The following PTPRD variants were observed in gnomAD, a reference collection of about 807,000 sequenced individuals.
PTPRD encodes the protein protein tyrosine phosphatase receptor type D, also known as receptor-type tyrosine-protein phosphatase delta.
PTPRD carries 34 observed loss-of-function variants against 214.5 expected under a neutral mutation model. That is an observed-to-expected ratio of 0.16 (90% CI 0.12 to 0.21). The LOEUF (loss-of-function observed/expected upper bound fraction) is 0.21. Among genes scored for constraint, PTPRD ranks in the 10% least tolerant of loss-of-function variants. The pLI is 1.00. For missense variants in PTPRD, 2,545 were observed against 2,398.7 expected, an observed-to-expected ratio of 1.06 and a Z score of -1.27; for synonymous variants, 1,128 against 845.7, an observed-to-expected ratio of 1.33 and a Z score of -5.79.
chr9:8,986,155 A>G (rs2099344185), intron 11 of PTPRD, among the ~76,000 whole-genome samples: 1 of 152,108 alleles, frequency 6.6e-6, no homozygotes, highest in South Asian at 2.1e-4. Context: ...TAGATTTTAT[A>G]GCATGAGTTG....
chr9:8,772,322 G>C (rs1378250531), intron 11 of PTPRD, among the ~76,000 whole-genome samples: 1 of 151,952 alleles, frequency 6.6e-6, no homozygotes, highest in Non-Finnish European at 1.5e-5. Flanking sequence ...TATCTCAAGA[G>C]CTCCAATCTG....
intron 9 of PTPRD, among the ~76,000 whole-genome samples, chr9:9,380,540 A>C (rs917707148): frequency 6.6e-6 from 1 of 152,104 alleles, no homozygotes; most frequent in Non-Finnish European, 1.5e-5. Flanking sequence ...TTGTGATATG[A>C]AAGCAGACAT....
rs530871755 is a variant in PTPRD at position 9,748,190 on chromosome 9, GT to G, written c.-325-13620del. 1.8e-4 allele frequency among the ~76,000 whole-genome samples: 28 copies of G among 152,284 alleles called. No individual in the cohort carries two copies. The South Asian group carries it at 5.4e-3, about 29-fold the overall frequency. ...TCTGAACTTGGTGCATATAAAGATA[GT>G]ATGGTAATAATCTTCTATGTCTTAT... On this transcript the variant is annotated intron_variant, in intron 6 of 45. Coordinates refer to ENST00000381196, the MANE Select transcript of PTPRD (RefSeq NM_002839.4).
intron 5 of PTPRD, among the ~76,000 whole-genome samples, chr9:9,801,223 G>C (rs762021471): frequency 2.0e-5 from 3 of 151,966 alleles, no homozygotes; most frequent in South Asian, 2.1e-4. Context: ...TACATTCATA[G>C]AAAGGAAAAT....
At chr9:10,568,603 T>C (rs1025697919) in intron 2 of PTPRD, among the ~76,000 whole-genome samples, 2 of 152,122 alleles carry the variant, frequency 1.3e-5, no homozygotes, top group African/African-American at 2.4e-5. Context: ...AGTGTTCCTA[T>C]TTCTAATAAT....
intron 8 of PTPRD, among the ~76,000 whole-genome samples, chr9:9,482,004 C>G (rs965104163): frequency 6.6e-6 from 1 of 151,980 alleles, no homozygotes; most frequent in African/African-American, 2.4e-5. Context: ...AGAACTCTCC[C>G]AGTCAACATG....
At chr9:9,132,245 G>C (rs958156713) in intron 10 of PTPRD, among the ~76,000 whole-genome samples, 1 of 152,134 alleles carries the variant, frequency 6.6e-6, no homozygotes, top group African/African-American at 2.4e-5. Context: ...TCCTGACCTT[G>C]TGATCCGCCC....
intron 14 of PTPRD, among the ~76,000 whole-genome samples, chr9:8,573,065 T>C (rs191362689): frequency 1.3e-5 from 2 of 152,118 alleles, no homozygotes; most frequent in East Asian, 1.9e-4. Flanking sequence ...TTCTATCAAA[T>C]TGAATCCTCA....
At chr9:9,981,077 A>G (rs891488326) in intron 4 of PTPRD, among the ~76,000 whole-genome samples, 1 of 151,940 alleles carries the variant, frequency 6.6e-6, no homozygotes, top group Non-Finnish European at 1.5e-5. Flanking sequence ...TGATGAATGC[A>G]CCTCCACAAA....
intron 14 of PTPRD, among the ~76,000 whole-genome samples, chr9:8,592,660 T>G (rs778315703): frequency 3.0e-4 from 45 of 152,134 alleles, no homozygotes; most frequent in Non-Finnish European, 5.3e-4. Flanking sequence ...ATGACAAAGG[T>G]TGAATATCGT....
Position 8,315,115 on chromosome 9 carries a change from G to T in PTPRD, c.*2759C>A, listed in dbSNP as rs77595418. The T allele has an allele frequency of 6.5e-5, 15 of 232,356 alleles. No homozygotes were observed. Among genetic ancestry groups the T allele is most frequent in the Admixed American group, 1.1e-4 (2 of 17,722 alleles). The allele number at this position is 232,356 out of a possible 1,614,324, so 14.4% of individuals were successfully genotyped here. On this transcript the variant is annotated 3_prime_UTR_variant, in exon 46 of 46. Coordinates refer to ENST00000381196, the MANE Select transcript of PTPRD (RefSeq NM_002839.4). Reference sequence around the variant, plus strand: ...GGAAACTTGAAAGCTTGTGGTAATGGCAGATAAAGATGGTTCACCTGGGAA... The same window carrying T: ...GGAAACTTGAAAGCTTGTGGTAATGTCAGATAAAGATGGTTCACCTGGGAA...
chr9:8,667,729 T>C (rs1400735261), intron 12 of PTPRD, among the ~76,000 whole-genome samples: 2 of 152,068 alleles, frequency 1.3e-5, no homozygotes, highest in East Asian at 1.9e-4. Flanking sequence ...CCCCAAGATA[T>C]CTCATTATGT....
At chr9:8,590,592 C>A (rs1032388369) in intron 14 of PTPRD, among the ~76,000 whole-genome samples, 1 of 152,142 alleles carries the variant, frequency 6.6e-6, no homozygotes, top group Non-Finnish European at 1.5e-5. Context: ...CAAAAAGACA[C>A]TGTGTTCACT....
At chr9:8,979,563 A>G (rs2154339246) in intron 11 of PTPRD, among the ~76,000 whole-genome samples, 1 of 152,282 alleles carries the variant, frequency 6.6e-6, no homozygotes, top group South Asian at 2.1e-4. Context: ...GACTCCACTT[A>G]AAAATGGGCA....
chr9:10,334,716 G>C (rs900257881), intron 3 of PTPRD, among the ~76,000 whole-genome samples: 2 of 151,462 alleles, frequency 1.3e-5, no homozygotes, highest in African/African-American at 4.8e-5. Context: ...TTATAGCAAG[G>C]ATTCAGCACA....
At chr9:10,339,959 GA>G (rs1403339806) in intron 3 of PTPRD, among the ~76,000 whole-genome samples, 79 of 151,726 alleles carry the variant, frequency 5.2e-4, no homozygotes, top group Middle Eastern at 3.4e-3. Context: ...TATATTCTTT[GA>G]TTTAGCATAT....
chr9:8,891,355 A>G (rs2098538438), intron 11 of PTPRD, among the ~76,000 whole-genome samples: 1 of 151,540 alleles, frequency 6.6e-6, no homozygotes, highest in Non-Finnish European at 1.5e-5. Context: ...GATGGTCTCA[A>G]TCTCCTGACC....
chr9:9,608,934 C>G (rs1018896225), intron 7 of PTPRD, among the ~76,000 whole-genome samples: 1 of 152,168 alleles, frequency 6.6e-6, no homozygotes, highest in African/African-American at 2.4e-5. Context: ...GGGAAAAATA[C>G]TACTTCCCTT....
Position 9,477,344 on chromosome 9 carries a change from A to C in PTPRD, c.-236-79862T>G, listed in dbSNP as rs188566192. Reference sequence around the variant, plus strand: ...TGAGATTAACAGCATGAGGATGCTCATGTTTCTCATAAGTGGGATTCCTTT... The same window carrying C: ...TGAGATTAACAGCATGAGGATGCTCCTGTTTCTCATAAGTGGGATTCCTTT... On this transcript the variant is annotated intron_variant, in intron 8 of 45. Transcript: ENST00000381196. Among the ~76,000 whole-genome samples, 69 of 152,340 alleles carry C rather than the reference A, an allele frequency of 4.5e-4. 1 individual carries two copies. The East Asian group carries it at 0.012, about 27-fold the overall frequency.
Sources: allele counts gnomAD v4.1 joint callset (sites outside exome capture counted in the v4.1 genomes callset), GRCh38; gene constraint gnomAD v4.1.1; transcripts MANE v1.5; gene names NCBI Gene and HGNC (gene_info 2026-07-23, HGNC 2026-07-21).